Variants in ERC2 observed in about 807,000 individuals in gnomAD.
The protein encoded by ERC2 is ELKS/RAB6-interacting/CAST family member 2, also known as ERC protein 2.
ERC2 carries 42 observed loss-of-function variants against 114.8 expected under a neutral mutation model. That is an observed-to-expected ratio of 0.37 (90% CI 0.29 to 0.47). The LOEUF is 0.47. Ranked by LOEUF, ERC2 falls within the 20% of genes least tolerant of loss-of-function variation. The probability of loss-of-function intolerance (pLI) is 0.99; values close to 1 mark genes in which losing one functional copy is unlikely to be tolerated. For missense variants in ERC2, 939 were observed against 1,150.7 expected (o/e 0.82, Z 2.66); for synonymous variants, 454 against 425.5 (o/e 1.07, Z -0.82).
intron 2 of ERC2, among the ~76,000 whole-genome samples, chr3:56,415,985 G>A (rs767902060): frequency 6.6e-6 from 1 of 152,144 alleles, no homozygotes; most frequent in Non-Finnish European, 1.5e-5. Flanking sequence ...TAATTTTCCT[G>A]AAAATTTTTG....
At chr3:56,202,947 C>A (rs2048489530) in intron 3 of ERC2, among the ~76,000 whole-genome samples, 1 of 152,216 alleles carries the variant, frequency 6.6e-6, no homozygotes, top group African/African-American at 2.4e-5. Context: ...CTTAAGAAAA[C>A]AAGCCTTTGC....
chr3:56,313,598 A>T (rs555431990), intron 2 of ERC2, among the ~76,000 whole-genome samples: 1 of 152,244 alleles, frequency 6.6e-6, no homozygotes, highest in Non-Finnish European at 1.5e-5. Context: ...AGCAACTGTG[A>T]AAACAAGACC....
intron 14 of ERC2, among the ~76,000 whole-genome samples, chr3:55,830,062 T>C (rs565679635): frequency 4.6e-5 from 7 of 151,702 alleles, no homozygotes; most frequent in African/African-American, 1.7e-4. Context: ...AACAAACAAA[T>C]AACAAACAAA....
chr3:56,446,608 CTTCTTTTTTTTTTTTTCT>C (rs1480957257), intron 1 of ERC2, among the ~76,000 whole-genome samples: 4 of 128,592 alleles, frequency 3.1e-5, no homozygotes, highest in Non-Finnish European at 4.9e-5. Flanking sequence ...GGCGCATTTT[CTTCTTTTTTTTTTTTTCT>C]TTCTTTTTTT....
At chr3:56,191,764 C>T (rs2047801235) in intron 3 of ERC2, among the ~76,000 whole-genome samples, 1 of 152,102 alleles carries the variant, frequency 6.6e-6, no homozygotes, top group Non-Finnish European at 1.5e-5. Flanking sequence ...CTCCCCCACC[C>T]CAGACACCAG....
chr3:56,363,880 A>C lies in ERC2; in HGVS notation c.658-67445T>G, dbSNP rs185191851. On this transcript the variant is annotated intron_variant, in intron 2 of 17. Transcript: ENST00000288221. The stretch of plus-strand genomic sequence containing the variant: ...GAAAAAGAAAGGGAAAGGGAAAGGG[A>C]AAGGGGGAGGGGAAGGGAAGGAAGG... Among the ~76,000 whole-genome samples the C allele has an allele frequency of 3.3e-4, 49 of 148,862 alleles. No individual in the cohort carries two copies. The East Asian group carries it at 7.5e-3, about 23-fold the overall frequency.
At chr3:55,542,367 C>T (rs1042434454) in intron 17 of ERC2, among the ~76,000 whole-genome samples, 7 of 152,178 alleles carry the variant, frequency 4.6e-5, no homozygotes, top group African/African-American at 1.7e-4. Flanking sequence ...GAGAACCATA[C>T]TCACTGTGGC....
intron 17 of ERC2, among the ~76,000 whole-genome samples, chr3:55,592,626 C>T (rs1016662002): frequency 1.3e-5 from 2 of 152,070 alleles, no homozygotes; most frequent in African/African-American, 2.4e-5. Flanking sequence ...TCTACAATGA[C>T]GAAGTGTATT....
At chr3:56,309,931 G>A (rs905163376) in intron 2 of ERC2, among the ~76,000 whole-genome samples, 1 of 152,152 alleles carries the variant, frequency 6.6e-6, no homozygotes, top group African/African-American at 2.4e-5. Flanking sequence ...TCAAATAAAT[G>A]CAACAGTGGG....
At chr3:55,723,640 T>A (rs1179669201) in intron 15 of ERC2, among the ~76,000 whole-genome samples, 1 of 152,212 alleles carries the variant, frequency 6.6e-6, no homozygotes, top group Non-Finnish European at 1.5e-5. Flanking sequence ...CTGATAAATG[T>A]CTTCCTGTAA....
At chr3:55,555,970 C>T (rs1390573587) in intron 17 of ERC2, among the ~76,000 whole-genome samples, 1 of 152,166 alleles carries the variant, frequency 6.6e-6, no homozygotes, top group African/African-American at 2.4e-5. Flanking sequence ...ATCCCCCAAG[C>T]CCCACGACTG....
intron 6 of ERC2, among the ~76,000 whole-genome samples, chr3:56,138,353 C>A (rs2080647325): frequency 6.6e-6 from 1 of 152,130 alleles, no homozygotes. Flanking sequence ...AGCCACCGCG[C>A]CCAGCCTGAA....
chr3:55,517,599 C>T (rs2052618339), intron 17 of ERC2, among the ~76,000 whole-genome samples: 1 of 152,016 alleles, frequency 6.6e-6, no homozygotes, highest in Non-Finnish European at 1.5e-5. Context: ...GTTCACAGAA[C>T]ACCTAAAACT....
At chr3:56,275,443 C>G (rs914643965) in intron 3 of ERC2, among the ~76,000 whole-genome samples, 3 of 152,194 alleles carry the variant, frequency 2.0e-5, no homozygotes, top group African/African-American at 7.2e-5. Flanking sequence ...CAGAAAGTTT[C>G]TTAGTCCCAT....
intron 3 of ERC2, among the ~76,000 whole-genome samples, chr3:56,203,108 G>A (rs1429746902): frequency 1.3e-5 from 2 of 152,212 alleles, no homozygotes; most frequent in African/African-American, 4.8e-5. Context: ...CGTATTTCCT[G>A]AAAGACAGTA....
chr3:56,451,796 A>G (rs1406964443), intron 1 of ERC2, among the ~76,000 whole-genome samples: 5 of 152,218 alleles, frequency 3.3e-5, no homozygotes, highest in Admixed American at 3.3e-4. Flanking sequence ...TTCTGACATG[A>G]TAGAGGTCCA....
At chr3:55,908,382 G>A (rs1057172157) in intron 13 of ERC2, among the ~76,000 whole-genome samples, 1 of 152,114 alleles carries the variant, frequency 6.6e-6, no homozygotes, top group African/African-American at 2.4e-5. Flanking sequence ...GGTGGAAAGA[G>A]CATTCTAGCA....
chr3:55,941,140 A>G (rs1336345772), intron 13 of ERC2, among the ~76,000 whole-genome samples: 2 of 152,188 alleles, frequency 1.3e-5, no homozygotes, highest in Non-Finnish European at 2.9e-5. Flanking sequence ...CAACTTGGCC[A>G]ACTATGATTG....
chr3:56,388,776 G>A (rs1402529290), intron 2 of ERC2, among the ~76,000 whole-genome samples: 4 of 151,904 alleles, frequency 2.6e-5, no homozygotes, highest in East Asian at 3.9e-4. Context: ...CTCCTCTGTC[G>A]ATCCACAAAA....
Sources: gnomAD v4.1 joint callset for allele counts (sites outside exome capture counted in the v4.1 genomes callset) on GRCh38, gnomAD v4.1.1 for gene constraint, MANE v1.5 for transcripts, NCBI Gene and HGNC (gene_info 2026-07-23, HGNC 2026-07-21) for gene names.